The following MACROD2 variants were observed in gnomAD, a reference collection of about 807,000 sequenced individuals.
MACROD2 encodes the protein ADP-ribose glycohydrolase MACROD2.
A neutral mutation model predicts 70.4 loss-of-function variants in MACROD2; 36 were observed. The observed-to-expected ratio is 0.51, with a 90% CI of 0.39 to 0.68. MACROD2 has a LOEUF of 0.68. Ranked by LOEUF, MACROD2 falls within the 30% of genes least tolerant of loss-of-function variation. The probability of loss-of-function intolerance (pLI) is 0.00; values close to 1 mark genes in which losing one functional copy is unlikely to be tolerated. For missense variants in MACROD2, 496 were observed against 538.4 expected (o/e 0.92, Z 0.78); for synonymous variants, 172 against 178.8 (o/e 0.96, Z 0.30).
At chr20:14,978,253 A>G (rs1482724550) in intron 5 of MACROD2, among the ~76,000 whole-genome samples, 1 of 152,140 alleles carries the variant, frequency 6.6e-6, no homozygotes, top group Non-Finnish European at 1.5e-5. Context: ...ATGAGATTAA[A>G]CCATGTATAT....
chr20:14,582,181 C>T (rs1016630177), intron 4 of MACROD2, among the ~76,000 whole-genome samples: 14 of 152,106 alleles, frequency 9.2e-5, no homozygotes, highest in African/African-American at 3.4e-4. Context: ...TTCATACAAG[C>T]TAAGACAGTA....
chr20:15,552,850 T>A (rs951003173), intron 8 of MACROD2: 4 of 152,214 alleles, frequency 2.6e-5, no homozygotes, highest in Non-Finnish European at 5.9e-5. Flanking sequence ...CCTACATGGG[T>A]TACCCTCTCG....
chr20:15,820,811 A>G (rs1386564743), intron 8 of MACROD2, among the ~76,000 whole-genome samples: 2 of 152,144 alleles, frequency 1.3e-5, no homozygotes, highest in Non-Finnish European at 2.9e-5. Context: ...AGCTTTATTA[A>G]TATGTATTTG....
chr20:15,405,239 CA>C (rs71340224), intron 6 of MACROD2, among the ~76,000 whole-genome samples: 6,023 of 126,954 alleles, frequency 0.047, 348 homozygotes, highest in African/African-American at 0.16. Flanking sequence ...TGTGAATATA[CA>C]AAAAAAAAAA....
chr20:15,631,344 C>A (rs1408621350), intron 8 of MACROD2, among the ~76,000 whole-genome samples: 1 of 152,126 alleles, frequency 6.6e-6, no homozygotes, highest in East Asian at 1.9e-4. Context: ...GTCCTAGGAC[C>A]AGAATTTAGT....
At chr20:15,076,941 C>G (rs143428981) in intron 5 of MACROD2, among the ~76,000 whole-genome samples, 9 of 152,190 alleles carry the variant, frequency 5.9e-5, no homozygotes, top group Admixed American at 1.3e-4. Context: ...CTTATCAAGT[C>G]CATAAAATTT....
chr20:15,871,641 A>G (rs1384049769), intron 9 of MACROD2, among the ~76,000 whole-genome samples: 2 of 152,204 alleles, frequency 1.3e-5, no homozygotes, highest in Non-Finnish European at 2.9e-5. Context: ...GACAGTTTTC[A>G]TGAAGAATGT....
At chr20:15,695,787 G>C (rs963302138) in intron 8 of MACROD2, among the ~76,000 whole-genome samples, 5 of 136,480 alleles carry the variant, frequency 3.7e-5, no homozygotes, top group Non-Finnish European at 7.7e-5. Flanking sequence ...ATATTCCTGC[G>C]TATTTTTTTT....
At chr20:15,499,594 T>C (rs1327498604) in intron 7 of MACROD2, among the ~76,000 whole-genome samples, 180 bp from the exon 8 acceptor site, 1 of 152,242 alleles carries the variant, frequency 6.6e-6, no homozygotes, top group Non-Finnish European at 1.5e-5. Context: ...AGGACCAGCC[T>C]TCTTAATGCC....
intron 4 of MACROD2, among the ~76,000 whole-genome samples, chr20:14,632,328 A>G (rs919704896): frequency 2.6e-5 from 4 of 152,206 alleles, no homozygotes; most frequent in African/African-American, 9.6e-5. Flanking sequence ...AATATTTAAG[A>G]ACTTACAATA....
At chr20:15,545,941 T>C (rs1275654646) in intron 8 of MACROD2, among the ~76,000 whole-genome samples, 1 of 152,162 alleles carries the variant, frequency 6.6e-6, no homozygotes, top group East Asian at 1.9e-4. Context: ...ACCACGCGTA[T>C]TTGAACAGAA....
chr20:15,065,505 A>G (rs994251107), intron 5 of MACROD2, among the ~76,000 whole-genome samples: 105 of 152,148 alleles, frequency 6.9e-4, no homozygotes, highest in Non-Finnish European at 2.5e-4. Flanking sequence ...AATACAAAAA[A>G]TTAGCCAGGC....
At chr20:15,274,972 C>T (rs1168309878) in intron 6 of MACROD2, among the ~76,000 whole-genome samples, 1 of 151,814 alleles carries the variant, frequency 6.6e-6, no homozygotes, top group East Asian at 1.9e-4. Context: ...GAGGCATATT[C>T]TAGGCAGTGT....
intron 5 of MACROD2, among the ~76,000 whole-genome samples, chr20:14,823,363 A>G (rs924830962): frequency 6.6e-5 from 10 of 152,160 alleles, no homozygotes; most frequent in Non-Finnish European, 1.5e-4. Context: ...CAAATAACAG[A>G]AATCCTGAAA....
chr20:14,060,376 G>T (rs1360704772), intron 2 of MACROD2, among the ~76,000 whole-genome samples: 1 of 152,124 alleles, frequency 6.6e-6, no homozygotes, highest in African/African-American at 2.4e-5. Context: ...TTTGCATGTA[G>T]GAGTGGAAAA....
chr20:15,785,955 A>G (rs2051918461), intron 8 of MACROD2, among the ~76,000 whole-genome samples: 1 of 152,216 alleles, frequency 6.6e-6, no homozygotes, highest in African/African-American at 2.4e-5. Context: ...AATATTTTAT[A>G]AAATACTTCT....
chr20:14,252,444 CTG>C (rs1440212227), intron 3 of MACROD2, among the ~76,000 whole-genome samples: 2 of 152,110 alleles, frequency 1.3e-5, no homozygotes, highest in Non-Finnish European at 2.9e-5. Flanking sequence ...AGAGGAGTCT[CTG>C]TTAAAATCTA....
chr20:15,153,750 A>T (rs1213377680), intron 5 of MACROD2, among the ~76,000 whole-genome samples: 1 of 152,134 alleles, frequency 6.6e-6, no homozygotes, highest in East Asian at 1.9e-4. Context: ...TAGTGTCTCT[A>T]TTGGGTGAGT....
intron 4 of MACROD2, among the ~76,000 whole-genome samples, chr20:14,648,685 A>G (rs1365408514): frequency 6.6e-6 from 1 of 151,436 alleles, no homozygotes; most frequent in Non-Finnish European, 1.5e-5. Context: ...TTTGTTTTTT[A>G]TAAAAATGGA....
Sources: allele counts gnomAD v4.1 joint callset (sites outside exome capture counted in the v4.1 genomes callset), GRCh38; gene constraint gnomAD v4.1.1; transcripts MANE v1.5; gene names NCBI Gene and HGNC (gene_info 2026-07-23, HGNC 2026-07-21).